Variants in ASB3 observed in about 807,000 individuals in gnomAD.
The protein encoded by ASB3 is ankyrin repeat and SOCS box protein 3.
In ASB3, 41 loss-of-function variants were observed where a neutral mutation model predicts 54.5. The observed-to-expected ratio is 0.75, with a 90% CI of 0.59 to 0.98. ASB3 has a LOEUF of 0.98. Among genes scored for constraint, ASB3 ranks in the 50% least tolerant of loss-of-function variants. The pLI, the probability that ASB3 is intolerant of heterozygous loss-of-function variation, is 0.00. For missense variants in ASB3, 733 were observed against 620.0 expected (o/e 1.18, Z -1.94); for synonymous variants, 266 against 221.2 (o/e 1.20, Z -1.80).
chr2:53,710,856 G>T (rs1670054056), intron 7 of ASB3, among the ~76,000 whole-genome samples: 1 of 152,118 alleles, frequency 6.6e-6, no homozygotes, highest in Non-Finnish European at 1.5e-5. Context: ...GCTGGGTGCT[G>T]TGGCTCACGC....
At chr2:53,774,422 C>T (rs780903957) in intron 1 of ASB3, 1 of 1,611,310 alleles carries the variant, frequency 6.2e-7, no homozygotes, top group African/African-American at 1.3e-5. Context: ...CTTGCAAATT[C>T]TATTAGGAAC....
intron 3 of ASB3, among the ~76,000 whole-genome samples, chr2:53,734,745 C>G (rs959981283): frequency 6.6e-6 from 1 of 152,148 alleles, no homozygotes; most frequent in African/African-American, 2.4e-5. Flanking sequence ...CCATATTTCT[C>G]TAACATAAAC....
intron 5 of ASB3, among the ~76,000 whole-genome samples, chr2:53,717,036 G>C (rs1008499282): frequency 5.3e-5 from 8 of 152,152 alleles, no homozygotes; most frequent in Admixed American, 1.3e-4. Flanking sequence ...GGGCAACATA[G>C]TGAGACCCTG....
At chr2:53,722,668 C>T (rs116730142) in intron 5 of ASB3, among the ~76,000 whole-genome samples, 556 of 152,206 alleles carry the variant, frequency 3.7e-3, no homozygotes, top group Non-Finnish European at 4.9e-3. Flanking sequence ...AAACCCTCAA[C>T]AAACTAGGCA....
At chr2:53,749,170 A>C (rs1483670384) in intron 3 of ASB3, among the ~76,000 whole-genome samples, 3 of 152,108 alleles carry the variant, frequency 2.0e-5, no homozygotes, top group African/African-American at 7.2e-5. Flanking sequence ...ATGAGGAAAA[A>C]GGAAAGATGG....
At chr2:53,678,659 A>C (rs1668210738) in intron 9 of ASB3, among the ~76,000 whole-genome samples, 1 of 152,188 alleles carries the variant, frequency 6.6e-6, no homozygotes, top group Admixed American at 6.5e-5. Context: ...ATGTAGGTAC[A>C]AGGCACTGGG....
chr2:53,764,011 T>A, intron 2 of ASB3, among the ~76,000 whole-genome samples: 1 of 152,074 alleles, frequency 6.6e-6, no homozygotes, highest in East Asian at 1.9e-4. Context: ...ATCTCTTACC[T>A]GTTAAGACAA....
intron 9 of ASB3, among the ~76,000 whole-genome samples, chr2:53,673,761 T>C (rs1160997943): frequency 6.6e-6 from 1 of 152,184 alleles, no homozygotes; most frequent in East Asian, 1.9e-4. Flanking sequence ...AGAATATCTT[T>C]CCATTTAATA....
rs767157964 is a variant in ASB3, at chr2:53,728,839, A to G, written c.477T>C (p.Ala159=). 6.2e-7 allele frequency: 1 copy of G among 1,603,508 alleles called. No individual in the cohort carries two copies. The highest frequency in any genetic ancestry group is 8.5e-7 in the Non-Finnish European group (1 of 1,174,780). ...TTCTAAGAAGCAATTTTATGATCTC[A>G]GCATTTTCCTAAAGCACAGATTCAC... is the stretch of plus-strand genomic sequence containing the variant. The part of the protein sequence containing the change: ...SLHQASFQEN[A]EIIKLLLRKG... Residue 159 remains alanine (A), a synonymous_variant, in exon 5 of 10, where the codon GCT becomes GCC. Coordinates refer to ENST00000263634, the MANE Select transcript of ASB3 (RefSeq NM_016115.5).
chr2:53,782,837 A>T (rs1333380090), intron 1 of ASB3, among the ~76,000 whole-genome samples: 2 of 151,962 alleles, frequency 1.3e-5, no homozygotes, highest in African/African-American at 2.4e-5. Flanking sequence ...TCCAGGCTGG[A>T]GTGCAATGGC....
intron 9 of ASB3, among the ~76,000 whole-genome samples, chr2:53,686,209 T>C (rs565324927): frequency 6.6e-6 from 1 of 152,210 alleles, no homozygotes; most frequent in Non-Finnish European, 1.5e-5. Context: ...CTCTCGTGAT[T>C]GGGTCAGTTC....
At chr2:53,726,894 A>G (rs1671030344) in intron 5 of ASB3, among the ~76,000 whole-genome samples, 1 of 151,984 alleles carries the variant, frequency 6.6e-6, no homozygotes, top group Non-Finnish European at 1.5e-5. Flanking sequence ...GGGTTTCACC[A>G]TGTTGGCTGG....
chr2:53,774,138 A>AC lies in ASB3; in HGVS notation c.-13-8554dup, dbSNP rs770450188. ...ACCAGTGTATTCTTTTCATTTTTCA[A>AC]CAGGGATGTGTATGGGGTGTTGCTT... On this transcript the variant is annotated intron_variant, in intron 1 of 9. Transcript: ENST00000263634. 11 of 1,581,286 alleles carry AC rather than the reference A, an allele frequency of 7.0e-6. No homozygotes were observed. The South Asian group carries it at 1.3e-4, about 19-fold the overall frequency.
intron 9 of ASB3, among the ~76,000 whole-genome samples, chr2:53,693,080 C>T (rs956479677): frequency 3.9e-5 from 6 of 152,038 alleles, no homozygotes; most frequent in African/African-American, 1.4e-4. Context: ...TTGTTAAAAA[C>T]CTATTCAAAA....
chr2:53,740,796 C>T (rs1671891774), intron 3 of ASB3, among the ~76,000 whole-genome samples: 1 of 152,112 alleles, frequency 6.6e-6, no homozygotes, highest in Non-Finnish European at 1.5e-5. Flanking sequence ...GCCAATTAGA[C>T]ATCAGAGACC....
chr2:53,756,186 T>TA (rs1672814944), intron 2 of ASB3, among the ~76,000 whole-genome samples: 1 of 151,834 alleles, frequency 6.6e-6, no homozygotes, highest in Non-Finnish European at 1.5e-5. Flanking sequence ...TTTTTTTAAT[T>TA]AAAAAAATAA....
intron 8 of ASB3, 28 bp from the exon 9 acceptor site, chr2:53,694,042 T>G: frequency 6.2e-7 from 1 of 1,607,856 alleles, no homozygotes. Context: ...TAATATAATA[T>G]TAGAAACAAA....
intron 9 of ASB3, among the ~76,000 whole-genome samples, chr2:53,674,402 T>G (rs1667973014): frequency 6.6e-6 from 1 of 152,254 alleles, no homozygotes; most frequent in African/African-American, 2.4e-5. Context: ...TTTGTTCATT[T>G]TGTTATATGT....
At chr2:53,751,547 G>C (rs1322191743) in intron 2 of ASB3, among the ~76,000 whole-genome samples, 1 of 151,940 alleles carries the variant, frequency 6.6e-6, no homozygotes, top group Admixed American at 6.6e-5. Context: ...AAAACGTCAA[G>C]GTTCTGGTAA....
Sources: gnomAD v4.1 joint callset for allele counts (sites outside exome capture counted in the v4.1 genomes callset) on GRCh38, gnomAD v4.1.1 for gene constraint, MANE v1.5 for transcripts, NCBI Gene and HGNC (gene_info 2026-07-23, HGNC 2026-07-21) for gene names.